SPPL3: variants seen among roughly 807,000 people sequenced by gnomAD.
SPPL3 encodes the protein signal peptide peptidase-like 3.
A neutral mutation model predicts 42.4 loss-of-function variants in SPPL3; 5 were observed. The observed-to-expected ratio is 0.12, with a 90% CI of 0.06 to 0.25. SPPL3 has a LOEUF of 0.25. Among genes scored for constraint, SPPL3 ranks in the 10% least tolerant of loss-of-function variants. SPPL3 has a pLI of 1.00. For synonymous variants in SPPL3, 195 were observed against 181.8 expected (o/e 1.07, Z -0.58); for missense variants, 235 against 489.0 (o/e 0.48, Z 4.90).
intron 2 of SPPL3, among the ~76,000 whole-genome samples, chr12:120,805,721 T>G (rs1054867698): frequency 6.6e-6 from 1 of 152,078 alleles, no homozygotes; most frequent in African/African-American, 2.4e-5. Context: ...TACTTAGCAA[T>G]GAACAATCCA....
chr12:120,834,907 C>T (rs930225114), intron 1 of SPPL3, among the ~76,000 whole-genome samples: 4 of 152,130 alleles, frequency 2.6e-5, no homozygotes, highest in African/African-American at 9.7e-5. Context: ...CAACTAATAA[C>T]TGAAACACAC....
At chr12:120,777,792 A>G (rs1266080181) in intron 6 of SPPL3, among the ~76,000 whole-genome samples, 1 of 152,224 alleles carries the variant, frequency 6.6e-6, no homozygotes, top group East Asian at 1.9e-4. Flanking sequence ...CTAGTACTGA[A>G]GCAAACAATC....
At chr12:120,874,574 C>G (rs1247225774) in intron 1 of SPPL3, among the ~76,000 whole-genome samples, 1 of 151,994 alleles carries the variant, frequency 6.6e-6, no homozygotes, top group East Asian at 1.9e-4. Context: ...CTGATAACAG[C>G]AGCACAAAGG....
At chr12:120,850,779 G>A (rs1391915358) in intron 1 of SPPL3, among the ~76,000 whole-genome samples, 1 of 152,196 alleles carries the variant, frequency 6.6e-6, no homozygotes, top group Non-Finnish European at 1.5e-5. Flanking sequence ...GGAAGAATGT[G>A]TCCTTGCCTT....
chr12:120,874,452 C>CAAAAAA (rs71076673), intron 1 of SPPL3, among the ~76,000 whole-genome samples: 2 of 97,414 alleles, frequency 2.1e-5, no homozygotes, highest in African/African-American at 4.4e-5. Flanking sequence ...GACCCTGTCG[C>CAAAAAA]AAAAAAAAAA....
chr12:120,785,477 A>G (rs1592961113), intron 3 of SPPL3, among the ~76,000 whole-genome samples: 1 of 152,194 alleles, frequency 6.6e-6, no homozygotes, highest in East Asian at 1.9e-4. Context: ...ACAAAACTGT[A>G]TTTTGCATCT....
At chr12:120,783,207 C>G (rs1421422720) in intron 5 of SPPL3, among the ~76,000 whole-genome samples, 1 of 152,180 alleles carries the variant, frequency 6.6e-6, no homozygotes, top group Non-Finnish European at 1.5e-5. Flanking sequence ...TAAGTGCGTT[C>G]AGCATCTCCA....
intron 1 of SPPL3, among the ~76,000 whole-genome samples, chr12:120,875,438 G>A (rs1873054883): frequency 6.6e-6 from 1 of 151,830 alleles, no homozygotes; most frequent in African/African-American, 2.4e-5. Flanking sequence ...GACCAGCCTG[G>A]CCAACATGGT....
chr12:120,858,947 T>G (rs1273597414), intron 1 of SPPL3, among the ~76,000 whole-genome samples: 1 of 152,186 alleles, frequency 6.6e-6, no homozygotes, highest in Non-Finnish European at 1.5e-5. Flanking sequence ...ATCAGTTTCT[T>G]TTTATAATCT....
intron 2 of SPPL3, among the ~76,000 whole-genome samples, chr12:120,806,001 C>CT (rs397710393): frequency 0.069 from 9,142 of 132,924 alleles, 851 homozygotes; most frequent in African/African-American, 0.22. Context: ...TCCCTGCAGG[C>CT]TTTTTTTTTT....
At chr12:120,794,523 G>A (rs180800674) in intron 2 of SPPL3, among the ~76,000 whole-genome samples, 2 of 152,040 alleles carry the variant, frequency 1.3e-5, no homozygotes, top group Non-Finnish European at 2.9e-5. Context: ...TCAGCCTCCC[G>A]AGTAGCTGGG....
At chr12:120,846,300 C>T (rs546807703) in intron 1 of SPPL3, among the ~76,000 whole-genome samples, 1 of 152,304 alleles carries the variant, frequency 6.6e-6, no homozygotes, top group Non-Finnish European at 1.5e-5. Context: ...AATTTTCTAA[C>T]TTCATAAATT....
chr12:120,833,730 T>G (rs1592986034), intron 1 of SPPL3, among the ~76,000 whole-genome samples: 3 of 146,144 alleles, frequency 2.1e-5, no homozygotes. Flanking sequence ...AACAGATGCA[T>G]ACAACTAGGG....
chr12:120,903,999 G>T lies in SPPL3; in HGVS notation c.-132C>A. On this transcript the variant is annotated 5_prime_UTR_variant, in exon 1 of 11. Transcript: ENST00000353487. ...TTGCTCGCTCGCTGGCTCGCTGGCT[G>T]CACGGCGGGCCGGGAAGGCGGCTGG... is the stretch of plus-strand genomic sequence containing the variant. The T allele has an allele frequency of 2.7e-6, 2 of 750,480 alleles. No homozygotes were observed. The highest frequency in any genetic ancestry group is 1.8e-6 in the Non-Finnish European group (1 of 555,492). The allele number at this position is 750,480 out of a possible 1,614,324, so 46.5% of individuals were successfully genotyped here.
At chr12:120,805,747 T>A (rs548987631) in intron 2 of SPPL3, among the ~76,000 whole-genome samples, 3 of 151,974 alleles carry the variant, frequency 2.0e-5, no homozygotes, top group South Asian at 4.2e-4. Flanking sequence ...AAGAAAAAAA[T>A]TCATCAAAAA....
At chr12:120,816,655 G>A (rs1870886724) in intron 1 of SPPL3, among the ~76,000 whole-genome samples, 1 of 152,278 alleles carries the variant, frequency 6.6e-6, no homozygotes, top group Admixed American at 6.5e-5. Context: ...AGGACTGCAG[G>A]TGTGAGCCAC....
chr12:120,783,873 A>C, intron 4 of SPPL3, 121 bp from the exon 5 acceptor site: 1 of 791,596 alleles, frequency 1.3e-6, no homozygotes, highest in Non-Finnish European at 2.0e-6. Context: ...GAGAAGAAAA[A>C]TGTCTTCCTT....
rs772373753 is a variant in SPPL3 at position 120,809,344 on chromosome 12, C to CA, written c.101+1464dup. ...TGGGCAACAGAGTGAGACTCCGTCT[C>CA]AAAAAAAAAAACACCAAAAAAAACC... On this transcript the variant is annotated intron_variant, in intron 2 of 10. Transcript: ENST00000353487. Among the ~76,000 whole-genome samples the CA allele has an allele frequency of 9.3e-3, 1,242 of 133,728 alleles. 10 individuals carry two copies. The highest frequency in any genetic ancestry group is 0.025 in the African/African-American group (905 of 36,622). The allele number at this position is 133,728 out of a possible 152,430, so 87.7% of individuals were successfully genotyped here.
chr12:120,892,486 A>T (rs1258673585), intron 1 of SPPL3, among the ~76,000 whole-genome samples: 1 of 152,140 alleles, frequency 6.6e-6, no homozygotes, highest in Non-Finnish European at 1.5e-5. Context: ...GAGACTTGGA[A>T]GAAGGGCAAA....
Sources: gnomAD v4.1 joint callset for allele counts (sites outside exome capture counted in the v4.1 genomes callset) on GRCh38, gnomAD v4.1.1 for gene constraint, MANE v1.5 for transcripts, NCBI Gene and HGNC (gene_info 2026-07-23, HGNC 2026-07-21) for gene names.